MTIF2: variants seen among roughly 807,000 people sequenced by gnomAD.
MTIF2 encodes the protein mitochondrial translational initiation factor 2, also known as translation initiation factor IF-2, mitochondrial.
A neutral mutation model predicts 83.5 loss-of-function variants in MTIF2; 71 were observed. That is an observed-to-expected ratio of 0.85 (90% CI 0.70 to 1.04). The LOEUF is 1.04. MTIF2 is among the 50% of genes least tolerant of loss of function. The probability of loss-of-function intolerance (pLI) is 0.00; values close to 1 mark genes in which losing one functional copy is unlikely to be tolerated. For missense variants in MTIF2, 957 were observed against 846.5 expected (o/e 1.13, Z -1.62); for synonymous variants, 319 against 287.1 (o/e 1.11, Z -1.12).
At chr2:55,258,081 C>T (rs980399753) in intron 5 of MTIF2, among the ~76,000 whole-genome samples, 11 of 152,160 alleles carry the variant, frequency 7.2e-5, no homozygotes, top group African/African-American at 2.7e-4. Flanking sequence ...CATGAGCCAT[C>T]GCACCCAGCC....
At chr2:55,256,034 C>T (rs994117089) in intron 5 of MTIF2, among the ~76,000 whole-genome samples, 1 of 152,044 alleles carries the variant, frequency 6.6e-6, no homozygotes, top group African/African-American at 2.4e-5. Context: ...ACGCCACCAT[C>T]CCTGGCTAAT....
rs1013308405 is a variant in MTIF2 at position 55,252,724 on chromosome 2, G to A, written c.665-71C>T. 1.2e-5 allele frequency: 12 copies of A among 1,031,660 alleles called. No homozygotes were observed. The African/African-American group carries it at 1.4e-4, about 12-fold the overall frequency. 63.9% of individuals were successfully genotyped at this position (1,031,660 alleles called of 1,614,324 possible). A position where few individuals can be genotyped will look rare whatever the true frequency, so the allele number is the denominator to read the frequency against. Reference sequence around the variant, plus strand: ...TTCCTTAATACCAAAGAATATATGCGACATTATCAGAAACCATCAATAATT... The same window carrying A: ...TTCCTTAATACCAAAGAATATATGCAACATTATCAGAAACCATCAATAATT... On this transcript the variant is annotated intron_variant, in intron 7 of 15. Transcript: ENST00000263629.
chr2:55,266,695 C>T (rs1207687527), intron 3 of MTIF2, among the ~76,000 whole-genome samples: 2 of 141,638 alleles, frequency 1.4e-5, no homozygotes, highest in African/African-American at 2.6e-5. Context: ...TTGATGTGAC[C>T]AAAGAAATTA....
intron 4 of MTIF2, among the ~76,000 whole-genome samples, chr2:55,262,981 C>G (rs1321628867): frequency 6.6e-6 from 1 of 152,208 alleles, no homozygotes; most frequent in Non-Finnish European, 1.5e-5. Flanking sequence ...CCTGCCTTAG[C>G]CTCCCAAAGA....
At chr2:55,241,021 T>C (rs904731053) in intron 13 of MTIF2, among the ~76,000 whole-genome samples, 13 of 152,064 alleles carry the variant, frequency 8.5e-5, no homozygotes, top group African/African-American at 2.7e-4. Context: ...GCAAGTTTCA[T>C]GGAGCTGACC....
In MTIF2 at chr2:55,254,097, G is replaced by A; in HGVS notation, c.608C>T (p.Thr203Ile). 1 of 1,614,158 alleles carries A rather than the reference G, an allele frequency of 6.2e-7. No homozygotes were observed. Among genetic ancestry groups the A allele is most frequent in the South Asian group, 1.1e-5 (1 of 91,086 alleles). Residue 203 changes from threonine to isoleucine, a missense_variant, in exon 7 of 16, where the codon ACT becomes ATT. Thr to Ile is a moderately conservative substitution (Grantham distance 89). Around this residue, in one of 3 missense-constraint regions of MTIF2, gnomAD observed 733 missense variants for 648.7 expected, o/e 1.13. Transcript: ENST00000263629. ...TCCAGTTTCCACTGCTGCCACTTGA[G>A]TTTTTCGAAATTTGTCAAGTAATGT... ...KTTLLDKFRKTQVAAVETGGI... is the reference protein window; with the variant it reads ...KTTLLDKFRKIQVAAVETGGI...
At chr2:55,268,763 CGTAGTT>C (rs1257386412) in intron 1 of MTIF2, 24 bp from the exon 2 acceptor site, 7 of 152,204 alleles carry the variant, frequency 4.6e-5, no homozygotes, top group African/African-American at 1.7e-4. Flanking sequence ...GTTGCAAATA[CGTAGTT>C]GCGTTAGGGA....
intron 10 of MTIF2, among the ~76,000 whole-genome samples, chr2:55,245,735 G>A (rs1407285681): frequency 1.5e-5 from 2 of 137,732 alleles, no homozygotes; most frequent in Non-Finnish European, 3.2e-5. Flanking sequence ...GATGTTAGGT[G>A]TTTCTTACCA....
chr2:55,242,863 A>C, intron 13 of MTIF2, 77 bp downstream of exon 13: 1 of 1,460,382 alleles, frequency 6.8e-7, no homozygotes, highest in Non-Finnish European at 9.3e-7. Context: ...GTGACAAGCC[A>C]AGCAACAAAA....
rs775412804 is a variant in MTIF2, at chr2:55,244,019, C to G, written c.1311+10G>C. On this transcript the variant is annotated intron_variant, in intron 11 of 15. Coordinates refer to ENST00000263629, the MANE Select transcript of MTIF2 (RefSeq NM_002453.3). ...TTATATCTAATATATAGGAATTAAG[C>G]TTGATACACCTCAGATTCTACTTCA... The G allele has an allele frequency of 1.2e-6, 2 of 1,608,426 alleles. No individual in the cohort carries two copies. Among genetic ancestry groups the G allele is most frequent in the African/African-American group, 1.3e-5 (1 of 74,738 alleles).
chr2:55,253,654 A>C lies in MTIF2; in HGVS notation c.664+387T>G, dbSNP rs1677278646. On this transcript the variant is annotated intron_variant, in intron 7 of 15. Transcript: ENST00000263629. The stretch of plus-strand genomic sequence containing the variant: ...ACATGGGGAAACCCTGTCTCAACTA[A>C]AAATACAAAAATTAGCCAGGCACGG... 2.0e-5 allele frequency among the ~76,000 whole-genome samples: 3 copies of C among 151,860 alleles called. No individual in the cohort carries two copies. The South Asian group carries it at 6.2e-4, about 32-fold the overall frequency.
chr2:55,239,907 A>C, intron 14 of MTIF2, 104 bp downstream of exon 14: 1 of 1,010,716 alleles, frequency 9.9e-7, no homozygotes, highest in Middle Eastern at 3.3e-4. Context: ...AACACAGGAT[A>C]TATCTTTCAA....
chr2:55,246,036 T>C (rs1287357620), intron 10 of MTIF2, among the ~76,000 whole-genome samples: 1 of 152,192 alleles, frequency 6.6e-6, no homozygotes, highest in Non-Finnish European at 1.5e-5. Context: ...TTATGTTATC[T>C]ATAAGACTTT....
At chr2:55,262,730 G>GC (rs1558581923) in intron 4 of MTIF2, among the ~76,000 whole-genome samples, 7 of 15,418 alleles carry the variant, frequency 4.5e-4, no homozygotes, top group African/African-American at 7.5e-4. Flanking sequence ...TTTTTTTTTT[G>GC]TTTTTTGTTT....
chr2:55,249,402 G>A lies in MTIF2; in HGVS notation c.974C>T (p.Ala325Val). The A allele has an allele frequency of 6.2e-7, 1 of 1,614,066 alleles. No individual in the cohort carries two copies. The highest frequency in any genetic ancestry group is 8.5e-7 in the Non-Finnish European group (1 of 1,179,976). Residue 325 changes from alanine (A) to valine (V), a missense_variant, in exon 9 of 16, where the codon GCA becomes GTA. Ala to Val is a moderately conservative substitution (Grantham distance 64). Transcript: ENST00000263629. ...TGAGGTCCCCGCATTTACCGTAAGT[G>A]CGGAGACAGGCACTGCTTGAACATC... ...GGDVQAVPVS[A>V]LTGDNLMALA... is the part of the protein sequence containing the mutation.
chr2:55,260,500 C>T (rs897417129), intron 5 of MTIF2, among the ~76,000 whole-genome samples: 3 of 150,916 alleles, frequency 2.0e-5, no homozygotes, highest in African/African-American at 7.3e-5. Flanking sequence ...AGGCAGGAAA[C>T]ACATTGAAGT....
chr2:55,261,444 A>T (rs1677981798), intron 5 of MTIF2, among the ~76,000 whole-genome samples: 1 of 142,890 alleles, frequency 7.0e-6, no homozygotes, highest in African/African-American at 2.5e-5. Flanking sequence ...CGTCTCTACT[A>T]AAAAAAAAAA....
At chr2:55,263,565 G>A (rs1289563786) in intron 4 of MTIF2, 75 bp downstream of exon 4, 6 of 1,161,226 alleles carry the variant, frequency 5.2e-6, no homozygotes, top group Non-Finnish European at 7.3e-6. Context: ...AGCTGAGATC[G>A]CGCCACGGCA....
At chr2:55,251,257 T>G (rs1437847356) in intron 8 of MTIF2, among the ~76,000 whole-genome samples, 1 of 152,076 alleles carries the variant, frequency 6.6e-6, no homozygotes, top group African/African-American at 2.4e-5. Context: ...ATGGGATCCC[T>G]GGCAAATTTA....
Sources: allele counts gnomAD v4.1 joint callset (sites outside exome capture counted in the v4.1 genomes callset), GRCh38; gene constraint gnomAD v4.1.1; regional missense constraint gnomAD v4.1.1; transcripts MANE v1.5; gene names NCBI Gene and HGNC (gene_info 2026-07-23, HGNC 2026-07-21).